Variants in KCNH8 observed in about 807,000 individuals in gnomAD.
KCNH8 encodes voltage-gated delayed rectifier potassium channel KCNH8.
A neutral mutation model predicts 103.6 loss-of-function variants in KCNH8; 70 were observed. The observed-to-expected ratio is 0.68, with a 90% CI of 0.56 to 0.82. The LOEUF (loss-of-function observed/expected upper bound fraction) is 0.82, where lower values mean the gene tolerates loss of function less well. Among genes scored for constraint, KCNH8 ranks in the 40% least tolerant of loss-of-function variants. The pLI is 0.00. For synonymous variants in KCNH8, 498 were observed against 489.4 expected (o/e 1.02, Z -0.23); for missense variants, 1,217 against 1,329.9 (o/e 0.92, Z 1.32).
chr3:19,470,985 T>A (rs1376567580), intron 11 of KCNH8, among the ~76,000 whole-genome samples: 3 of 152,186 alleles, frequency 2.0e-5, no homozygotes, highest in Non-Finnish European at 4.4e-5. Flanking sequence ...ACATATACCC[T>A]GCAAAGAGAT....
intron 1 of KCNH8, among the ~76,000 whole-genome samples, chr3:19,207,153 A>G (rs911050008): frequency 6.6e-6 from 1 of 152,056 alleles, no homozygotes; most frequent in Non-Finnish European, 1.5e-5. Context: ...TTTTGGGAAC[A>G]TAAATAGAAG....
At chr3:19,229,712 C>T (rs1287809596) in intron 1 of KCNH8, among the ~76,000 whole-genome samples, 1 of 152,190 alleles carries the variant, frequency 6.6e-6, no homozygotes, top group Non-Finnish European at 1.5e-5. Flanking sequence ...TTATCTTGGA[C>T]CTTATTGTTC....
intron 3 of KCNH8, among the ~76,000 whole-genome samples, chr3:19,324,211 G>A (rs1033999237): frequency 1.3e-5 from 2 of 152,114 alleles, no homozygotes; most frequent in African/African-American, 4.8e-5. Flanking sequence ...GTTTCCAGGC[G>A]AATGGAGTTA....
chr3:19,368,246 A>T (rs1157511810), intron 5 of KCNH8, among the ~76,000 whole-genome samples: 1 of 152,020 alleles, frequency 6.6e-6, no homozygotes, highest in African/African-American at 2.4e-5. Flanking sequence ...TGATTAGGGA[A>T]ATTTGTCTAA....
intron 1 of KCNH8, among the ~76,000 whole-genome samples, chr3:19,172,249 G>A (rs1383667341): frequency 6.6e-6 from 1 of 151,910 alleles, no homozygotes; most frequent in Non-Finnish European, 1.5e-5. Context: ...AAAGAGGGGG[G>A]CCTTGTTTGC....
chr3:19,286,548 G>A (rs890279231), intron 3 of KCNH8, among the ~76,000 whole-genome samples: 2 of 152,154 alleles, frequency 1.3e-5, no homozygotes, highest in African/African-American at 2.4e-5. Flanking sequence ...TCAGTCTGAG[G>A]TACAGTCTCC....
intron 3 of KCNH8, among the ~76,000 whole-genome samples, chr3:19,327,150 T>A (rs1373340152): frequency 4.6e-5 from 7 of 152,178 alleles, no homozygotes; most frequent in Middle Eastern, 3.2e-3. Flanking sequence ...ACACACAGTC[T>A]TTTCTGCCAT....
At position 19,533,741 on chromosome 3, in the gene KCNH8, C is replaced by G. The variant is rs1224231920; in HGVS notation, c.2966C>G (p.Pro989Arg). Residue 989 changes from proline (P) to arginine (R), a missense_variant, in exon 16 of 16, where the codon CCA becomes CGA. Physicochemically the swap from Pro to Arg is moderately radical, Grantham distance 103 (BLOSUM62 -2). Coordinates refer to ENST00000328405, the MANE Select transcript of KCNH8 (RefSeq NM_144633.3). ...GCAGACAGTGAACTTTATCATTCTC[C>G]AAGCCTTGATTATTCACCTTCCCAC... ...NPADSELYHS[P>R]SLDYSPSHYQ... The G allele has an allele frequency of 1.9e-6, 3 of 1,614,052 alleles. No individual in the cohort carries two copies. The African/African-American group carries it at 4.0e-5, about 22-fold the overall frequency.
At chr3:19,475,855 G>C (rs1444096928) in intron 11 of KCNH8, among the ~76,000 whole-genome samples, 1 of 152,100 alleles carries the variant, frequency 6.6e-6, no homozygotes, top group Non-Finnish European at 1.5e-5. Flanking sequence ...AAATTTCAGT[G>C]GCTTGTAATC....
intron 1 of KCNH8, among the ~76,000 whole-genome samples, chr3:19,220,940 T>A (rs928381269): frequency 2.0e-5 from 3 of 152,222 alleles, no homozygotes; most frequent in Non-Finnish European, 4.4e-5. Flanking sequence ...GGCCTTTTAC[T>A]TCCCCTAGTG....
At chr3:19,370,930 G>C (rs545213722) in intron 5 of KCNH8, among the ~76,000 whole-genome samples, 5 of 151,972 alleles carry the variant, frequency 3.3e-5, no homozygotes, top group Admixed American at 3.3e-4. Context: ...CCCTACAAAG[G>C]ACATGAACTC....
At chr3:19,304,628 C>T (rs545735342) in intron 3 of KCNH8, among the ~76,000 whole-genome samples, 1 of 151,718 alleles carries the variant, frequency 6.6e-6, no homozygotes. Context: ...AGGAATCTTC[C>T]AGAAATTAGA....
chr3:19,523,804 T>C (rs189649796), intron 15 of KCNH8, among the ~76,000 whole-genome samples: 6 of 152,062 alleles, frequency 3.9e-5, no homozygotes, highest in Admixed American at 2.0e-4. Flanking sequence ...TAGGAAAATT[T>C]TGTTTCTCAT....
intron 11 of KCNH8, among the ~76,000 whole-genome samples, chr3:19,485,507 T>C (rs985505444): frequency 6.6e-6 from 1 of 152,232 alleles, no homozygotes; most frequent in Non-Finnish European, 1.5e-5. Flanking sequence ...TAAGTGACTC[T>C]TGACCTTAGA....
At chr3:19,273,887 G>A (rs1309552923) in intron 2 of KCNH8, among the ~76,000 whole-genome samples, 2 of 152,110 alleles carry the variant, frequency 1.3e-5, no homozygotes, top group African/African-American at 2.4e-5. Flanking sequence ...AACTAAAATA[G>A]CTGAATCTTG....
chr3:19,462,954 G>A lies in KCNH8; in HGVS notation c.2040+5972G>A, dbSNP rs138107650. Among the ~76,000 whole-genome samples, 219 of 152,206 alleles carry A rather than the reference G, an allele frequency of 1.4e-3. 2 individuals are homozygous for A. The highest frequency in any genetic ancestry group is 5.4e-3 in the South Asian group (26 of 4,820). The stretch of plus-strand genomic sequence containing the variant: ...TCAGGTTTGTCAAAGATAGATGTGT[G>A]AGATTCAACCAACCACCAATCAAAA... On this transcript the variant is annotated intron_variant, in intron 11 of 15. Coordinates refer to ENST00000328405, the MANE Select transcript of KCNH8 (RefSeq NM_144633.3).
chr3:19,234,361 C>T (rs567850070), intron 1 of KCNH8, among the ~76,000 whole-genome samples: 1 of 152,182 alleles, frequency 6.6e-6, no homozygotes, highest in Non-Finnish European at 1.5e-5. Flanking sequence ...AGGCTCCGGC[C>T]GCACAGGAGC....
chr3:19,501,289 C>T (rs2125233569), intron 11 of KCNH8, among the ~76,000 whole-genome samples: 1 of 152,296 alleles, frequency 6.6e-6, no homozygotes, highest in East Asian at 1.9e-4. Context: ...TAATCAATAG[C>T]TTACCAACGA....
intron 1 of KCNH8, among the ~76,000 whole-genome samples, chr3:19,182,153 T>C (rs926385246): frequency 2.6e-5 from 4 of 152,192 alleles, no homozygotes; most frequent in African/African-American, 9.6e-5. Context: ...CATCAAGAGA[T>C]GGAATCTGCT....
Sources: allele counts gnomAD v4.1 joint callset (sites outside exome capture counted in the v4.1 genomes callset), GRCh38; gene constraint gnomAD v4.1.1; transcripts MANE v1.5; gene names NCBI Gene and HGNC (gene_info 2026-07-23, HGNC 2026-07-21).